OSBPL8: variants seen among roughly 807,000 people sequenced by gnomAD.
OSBPL8 encodes oxysterol binding protein like 8.
OSBPL8 carries 59 observed loss-of-function variants against 125.5 expected under a neutral mutation model. That is an observed-to-expected ratio of 0.47 (90% confidence interval 0.38 to 0.58). The LOEUF (loss-of-function observed/expected upper bound fraction) is 0.58, where lower values mean the gene tolerates loss of function less well. Among genes scored for constraint, OSBPL8 ranks in the 20% least tolerant of loss-of-function variants. OSBPL8 has a pLI of 0.00. For missense variants in OSBPL8, 758 were observed against 1,047.8 expected, an observed-to-expected ratio of 0.72 and a Z score of 3.82; for synonymous variants, 330 against 338.9, an observed-to-expected ratio of 0.97 and a Z score of 0.29.
At chr12:76,415,498 T>C (rs1259496843) in intron 4 of OSBPL8, among the ~76,000 whole-genome samples, 2 of 152,226 alleles carry the variant, frequency 1.3e-5, no homozygotes, top group Non-Finnish European at 2.9e-5. Context: ...TCCACCCGCC[T>C]TGGCCTCCTA....
chr12:76,385,528 T>C (rs995780445), intron 14 of OSBPL8, among the ~76,000 whole-genome samples: 4 of 152,010 alleles, frequency 2.6e-5, no homozygotes, highest in African/African-American at 9.7e-5. Context: ...ACGATACAAA[T>C]GTTAAAATAA....
intron 9 of OSBPL8, among the ~76,000 whole-genome samples, chr12:76,393,147 T>G (rs1040865215): frequency 7.2e-5 from 11 of 152,190 alleles, no homozygotes; most frequent in Admixed American, 2.0e-4. Context: ...AGGTCTATCC[T>G]CAAGATTAAC....
At chr12:76,361,247 A>T (rs184332919) in intron 21 of OSBPL8, among the ~76,000 whole-genome samples, 6 of 152,276 alleles carry the variant, frequency 3.9e-5, no homozygotes, top group Admixed American at 1.3e-4. Context: ...AGTTCCACAA[A>T]TCTCTATGTC....
rs1951886108 is a variant in OSBPL8, at chr12:76,353,361, G to A, written c.*2528C>T. ...ACATTTTACTAAATGGTGGATGATG[G>A]CATAGTACATTTAACAGCTAAAAAG... On this transcript the variant is annotated 3_prime_UTR_variant, in exon 24 of 24. Coordinates refer to ENST00000261183, the MANE Select transcript of OSBPL8 (RefSeq NM_020841.5). 1 of 149,628 alleles carries A rather than the reference G, an allele frequency of 6.7e-6. No homozygotes were observed. The highest frequency in any genetic ancestry group is 1.5e-5 in the Non-Finnish European group (1 of 67,410). The allele number at this position is 149,628 out of a possible 1,614,324, so 9.3% of individuals were successfully genotyped here.
At chr12:76,536,824 A>G (rs998654685) in intron 1 of OSBPL8, among the ~76,000 whole-genome samples, 11 of 151,878 alleles carry the variant, frequency 7.2e-5, no homozygotes, top group Non-Finnish European at 1.5e-4. Flanking sequence ...ATCAAAAAAA[A>G]AAAAAAAAAA....
chr12:76,446,635 C>T (rs1476108278), intron 4 of OSBPL8, among the ~76,000 whole-genome samples: 1 of 152,030 alleles, frequency 6.6e-6, no homozygotes, highest in East Asian at 1.9e-4. Context: ...AAAATGTCAG[C>T]CTTCAACCCA....
chr12:76,470,246 G>C (rs538416384), intron 2 of OSBPL8, among the ~76,000 whole-genome samples: 23 of 152,262 alleles, frequency 1.5e-4, no homozygotes, highest in African/African-American at 3.6e-4. Context: ...TAGGAAACCA[G>C]AAAAACTTTA....
intron 16 of OSBPL8, 103 bp downstream of exon 16, chr12:76,378,349 T>C (rs1952908232): frequency 2.6e-6 from 2 of 777,048 alleles, no homozygotes; most frequent in Middle Eastern, 2.5e-4. Context: ...TCAAACAAAA[T>C]GTAAGTCTGA....
Position 76,476,849 on chromosome 12 carries a change from G to GA in OSBPL8, c.42+10660dup, listed in dbSNP as rs964896501. ...CTGTATAAGGAATGGAAGAAAAAGG[G>GA]AAAAAAACCTATTATTTGCAGATGA... On this transcript the variant is annotated intron_variant, in intron 2 of 23. Transcript: ENST00000261183. Among the ~76,000 whole-genome samples the GA allele has an allele frequency of 1.9e-4, 29 of 151,966 alleles. 1 individual carries two copies. The highest frequency in any genetic ancestry group is 1.6e-3 in the Admixed American group (25 of 15,274).
chr12:76,415,094 C>T (rs61925479), intron 4 of OSBPL8, among the ~76,000 whole-genome samples: 398 of 152,266 alleles, frequency 2.6e-3, no homozygotes, highest in Non-Finnish European at 3.1e-3. Context: ...CAAAGTTATA[C>T]TAATACTAGT....
intron 1 of OSBPL8, among the ~76,000 whole-genome samples, chr12:76,526,310 A>C (rs1950168885): frequency 6.6e-6 from 1 of 152,192 alleles, no homozygotes; most frequent in Non-Finnish European, 1.5e-5. Flanking sequence ...ATATCACAAA[A>C]GTATTAATTG....
chr12:76,373,584 T>C (rs1952700994), intron 17 of OSBPL8, 151 bp from the exon 18 acceptor site: 1 of 471,096 alleles, frequency 2.1e-6, no homozygotes. Flanking sequence ...CAAATTTTAG[T>C]TAGAAATGTT....
chr12:76,412,363 T>C (rs1197445194), intron 4 of OSBPL8, among the ~76,000 whole-genome samples: 1 of 152,130 alleles, frequency 6.6e-6, no homozygotes, highest in Non-Finnish European at 1.5e-5. Context: ...TGGGAAGTGA[T>C]TACACGTGTC....
intron 1 of OSBPL8, among the ~76,000 whole-genome samples, chr12:76,511,146 A>T (rs1203779077): frequency 6.6e-6 from 1 of 152,172 alleles, no homozygotes; most frequent in Non-Finnish European, 1.5e-5. Context: ...ATTTAGGCAG[A>T]TTAGGCATTT....
At chr12:76,407,980 C>A (rs764626765) in intron 5 of OSBPL8, among the ~76,000 whole-genome samples, 4 of 151,722 alleles carry the variant, frequency 2.6e-5, no homozygotes, top group African/African-American at 9.7e-5. Flanking sequence ...TTGTTATGAA[C>A]GTTAAAATGG....
At chr12:76,550,928 G>T (rs1950918312) in intron 1 of OSBPL8, among the ~76,000 whole-genome samples, 1 of 152,066 alleles carries the variant, frequency 6.6e-6, no homozygotes. Flanking sequence ...AAATAAAGTA[G>T]CCAGCCACAG....
intron 4 of OSBPL8, among the ~76,000 whole-genome samples, chr12:76,430,339 C>A (rs11113104): frequency 6.6e-6 from 1 of 152,138 alleles, no homozygotes; most frequent in African/African-American, 2.4e-5. Context: ...AGAACCAGCT[C>A]CACTCCCACT....
intron 1 of OSBPL8, among the ~76,000 whole-genome samples, chr12:76,551,386 T>C (rs1950933550): frequency 6.6e-6 from 1 of 152,210 alleles, no homozygotes; most frequent in African/African-American, 2.4e-5. Context: ...TTAAGAAAGA[T>C]GGTACTAGCA....
intron 1 of OSBPL8, among the ~76,000 whole-genome samples, chr12:76,497,823 T>C (rs917238596): frequency 3.3e-5 from 5 of 152,202 alleles, no homozygotes; most frequent in Non-Finnish European, 5.9e-5. Flanking sequence ...GAGACTCTTA[T>C]ATAACACTTC....
Sources: allele counts gnomAD v4.1 joint callset (sites outside exome capture counted in the v4.1 genomes callset), GRCh38; gene constraint gnomAD v4.1.1; transcripts MANE v1.5; gene names NCBI Gene and HGNC (gene_info 2026-07-23, HGNC 2026-07-21).